The following HECW2 variants were observed in gnomAD, a reference collection of about 807,000 sequenced individuals.
HECW2 encodes E3 ubiquitin-protein ligase HECW2.
HECW2 carries 61 observed loss-of-function variants against 175.2 expected under a neutral mutation model. The ratio of observed to expected loss-of-function variants is 0.35; its 90% CI spans 0.28 to 0.43. HECW2 has a LOEUF of 0.43. Among genes scored for constraint, HECW2 ranks in the 20% least tolerant of loss-of-function variants. The pLI is 1.00. For synonymous variants in HECW2, 671 were observed against 731.0 expected, an observed-to-expected ratio of 0.92 and a Z score of 1.32; for missense variants, 1,524 against 2,000.5, an observed-to-expected ratio of 0.76 and a Z score of 4.54.
At position 196,237,402 on chromosome 2, in the gene HECW2, T is replaced by C. The variant is rs533455839; in HGVS notation, c.3764+3047A>G. Among the ~76,000 whole-genome samples, 136 of 152,358 alleles carry C rather than the reference T, an allele frequency of 8.9e-4. 1 individual carries two copies. The highest frequency in any genetic ancestry group is 2.9e-3 in the African/African-American group (120 of 41,582). On this transcript the variant is annotated intron_variant, in intron 21 of 28. Transcript: ENST00000644978. Reference sequence around the variant, plus strand: ...GTATCATTCTTATGCTTTTGTGTCCTCATAGCTTAGCTCCTACATATGAGT... The same window carrying C: ...GTATCATTCTTATGCTTTTGTGTCCCCATAGCTTAGCTCCTACATATGAGT...
intron 2 of HECW2, among the ~76,000 whole-genome samples, chr2:196,357,944 C>A (rs1032402275): frequency 6.6e-6 from 1 of 152,158 alleles, no homozygotes; most frequent in Non-Finnish European, 1.5e-5. Context: ...TAGGGAAGTT[C>A]TTTATAGTAG....
Position 196,395,506 on chromosome 2 carries a change from C to T in HECW2, c.292+37626G>A, listed in dbSNP as rs141497163. Among the ~76,000 whole-genome samples the T allele has an allele frequency of 5.8e-3, 877 of 152,236 alleles. 18 individuals are homozygous for T. The highest frequency in any genetic ancestry group is 0.02 in the African/African-American group (846 of 41,550). ...CAGAATATATAAAGAACTCCTACAA[C>T]TCAACAACGACAACAAAAACCAAAC... On this transcript the variant is annotated intron_variant, in intron 2 of 28. Coordinates refer to ENST00000644978, the MANE Select transcript of HECW2 (RefSeq NM_001348768.2).
chr2:196,501,533 G>A (rs1575610271), intron 1 of HECW2, among the ~76,000 whole-genome samples: 1 of 152,112 alleles, frequency 6.6e-6, no homozygotes, highest in African/African-American at 2.4e-5. Flanking sequence ...GTACAGGCAT[G>A]AGCCACCATG....
chr2:196,295,262 G>A (rs145274568), intron 13 of HECW2, among the ~76,000 whole-genome samples: 3,897 of 151,800 alleles, frequency 0.026, 116 homozygotes, highest in Non-Finnish European at 0.033. Context: ...CATGAAAGCA[G>A]AGAAGGAAAT....
At position 196,457,404 on chromosome 2, in the gene HECW2, C is replaced by T. The variant is rs74667878; in HGVS notation, c.-35-23946G>A. 8.6e-3 allele frequency among the ~76,000 whole-genome samples: 1,304 copies of T among 152,348 alleles called. 18 individuals are homozygous for T. The highest frequency in any genetic ancestry group is 0.03 in the African/African-American group (1,232 of 41,582). ...AGATTTCTTAACTACCTGCCCACTA[C>T]ATGGTACTGTCACCTCTTAACTATA... On this transcript the variant is annotated intron_variant, in intron 1 of 28. Coordinates refer to ENST00000644978, the MANE Select transcript of HECW2 (RefSeq NM_001348768.2).
At chr2:196,537,749 G>A (rs11695857) in intron 1 of HECW2, among the ~76,000 whole-genome samples, 1 of 152,186 alleles carries the variant, frequency 6.6e-6, no homozygotes, top group Non-Finnish European at 1.5e-5. Context: ...ACTTGGGAGT[G>A]TCCAGATATC....
chr2:196,449,598 G>T (rs1202769353), intron 1 of HECW2, among the ~76,000 whole-genome samples: 1 of 152,094 alleles, frequency 6.6e-6, no homozygotes, highest in Non-Finnish European at 1.5e-5. Flanking sequence ...TAAACTAAAA[G>T]AAGCTGCATT....
chr2:196,354,733 C>T (rs1476887961), intron 2 of HECW2, among the ~76,000 whole-genome samples: 9 of 151,960 alleles, frequency 5.9e-5, no homozygotes, highest in African/African-American at 2.2e-4. Flanking sequence ...GCGAATTCCA[C>T]AAAACCAGCT....
intron 1 of HECW2, among the ~76,000 whole-genome samples, chr2:196,590,025 A>T (rs1691127284): frequency 6.6e-6 from 1 of 151,972 alleles, no homozygotes; most frequent in African/African-American, 2.4e-5. Flanking sequence ...TCAGGTTTAA[A>T]TTTTTCTGAT....
chr2:196,448,670 C>T (rs1479933674), intron 1 of HECW2, among the ~76,000 whole-genome samples: 3 of 152,142 alleles, frequency 2.0e-5, no homozygotes, highest in African/African-American at 7.2e-5. Context: ...GTTATCTTTG[C>T]AGATATAGAA....
At chr2:196,571,784 T>C (rs557263026) in intron 1 of HECW2, among the ~76,000 whole-genome samples, 35 of 152,104 alleles carry the variant, frequency 2.3e-4, no homozygotes, top group Non-Finnish European at 4.7e-4. Context: ...AAACCAATCA[T>C]ACACCCAAAA....
intron 14 of HECW2, among the ~76,000 whole-genome samples, chr2:196,279,658 C>A (rs1327902298): frequency 1.3e-5 from 2 of 152,170 alleles, no homozygotes; most frequent in Non-Finnish European, 2.9e-5. Context: ...AAAGACATTC[C>A]CACTCTTTGG....
chr2:196,232,551 T>G (rs1343075521), intron 21 of HECW2, among the ~76,000 whole-genome samples: 1 of 152,224 alleles, frequency 6.6e-6, no homozygotes, highest in African/African-American at 2.4e-5. Flanking sequence ...ATTTGCACAT[T>G]TGCCTTTGAG....
At chr2:196,361,973 T>G (rs2105885070) in intron 2 of HECW2, 1 of 985,424 alleles carries the variant, frequency 1.0e-6, no homozygotes, top group East Asian at 1.1e-4. Flanking sequence ...AAGGCGGGTC[T>G]GGAGTTCTAA....
intron 2 of HECW2, among the ~76,000 whole-genome samples, chr2:196,431,539 A>C (rs1695712857): frequency 6.6e-6 from 1 of 152,224 alleles, no homozygotes; most frequent in African/African-American, 2.4e-5. Context: ...TCTTCTATTA[A>C]GATTATAAAA....
At chr2:196,458,452 A>ACT (rs1275143338) in intron 1 of HECW2, among the ~76,000 whole-genome samples, 1 of 151,742 alleles carries the variant, frequency 6.6e-6, no homozygotes, top group East Asian at 1.9e-4. Context: ...ACACACACAC[A>ACT]CACACACATA....
At chr2:196,386,726 T>G (rs1380433927) in intron 2 of HECW2, among the ~76,000 whole-genome samples, 1 of 152,198 alleles carries the variant, frequency 6.6e-6, no homozygotes, top group Non-Finnish European at 1.5e-5. Flanking sequence ...CAATCCCCAG[T>G]GTAGATACTG....
At chr2:196,431,435 T>G (rs936966618) in intron 2 of HECW2, among the ~76,000 whole-genome samples, 81 of 152,154 alleles carry the variant, frequency 5.3e-4, no homozygotes, top group African/African-American at 1.8e-3. Flanking sequence ...AAATAAATCA[T>G]CTTATATGAG....
chr2:196,469,722 T>C (rs1697118579), intron 1 of HECW2, among the ~76,000 whole-genome samples: 1 of 151,638 alleles, frequency 6.6e-6, no homozygotes, highest in Non-Finnish European at 1.5e-5. Context: ...TATTATAACA[T>C]GATGAAAGGT....
Sources: allele counts gnomAD v4.1 joint callset (sites outside exome capture counted in the v4.1 genomes callset), GRCh38; gene constraint gnomAD v4.1.1; transcripts MANE v1.5; gene names NCBI Gene and HGNC (gene_info 2026-07-23, HGNC 2026-07-21).